The following TRPA1 variants were observed in gnomAD, a reference collection of about 807,000 sequenced individuals.
TRPA1 encodes ankyrin-like with transmembrane domains 1.
In TRPA1, 129 loss-of-function variants were observed where a neutral mutation model predicts 131.3. That is an observed-to-expected ratio of 0.98 (90% CI 0.85 to 1.14). The LOEUF is 1.14. TRPA1 is among the 50% of genes most tolerant of loss of function. TRPA1 has a pLI of 0.00. For missense variants in TRPA1, 1,304 were observed against 1,354.2 expected (o/e 0.96, Z 0.58); for synonymous variants, 441 against 451.7 (o/e 0.98, Z 0.30).
chr8:72,049,931 ATT>A (rs1214973958), intron 15 of TRPA1, among the ~76,000 whole-genome samples: 1 of 115,040 alleles, frequency 8.7e-6, no homozygotes, highest in Non-Finnish European at 1.8e-5. Flanking sequence ...GGGGCATTTT[ATT>A]TTATTTTTTT....
chr8:72,040,828 T>C (rs1477345635), intron 17 of TRPA1, among the ~76,000 whole-genome samples: 2 of 152,080 alleles, frequency 1.3e-5, no homozygotes, highest in African/African-American at 2.4e-5. Context: ...GTCTACCACA[T>C]ACTGAAAGCA....
In TRPA1 at chr8:72,056,907, T is replaced by C. The variant is rs1394081251; in HGVS notation, c.1194+10A>G. 3.8e-6 allele frequency: 6 copies of C among 1,590,042 alleles called. No individual in the cohort carries two copies. The highest frequency in any genetic ancestry group is 3.4e-6 in the Non-Finnish European group (4 of 1,162,452). The stretch of plus-strand genomic sequence containing the variant: ...AACTCAGTTAATGGCAATCCACAGA[T>C]ATACATTACCTGCATAAATTCAGGT... On this transcript the variant is annotated intron_variant, in intron 10 of 26. Transcript: ENST00000262209.
In TRPA1 at chr8:72,068,844, CA is replaced by C. The variant is rs372248052; in HGVS notation, c.444+178del. 2.5e-3 allele frequency among the ~76,000 whole-genome samples: 386 copies of C among 152,256 alleles called. 4 individuals carry two copies. Among genetic ancestry groups the C allele is most frequent in the African/African-American group, 8.4e-3 (349 of 41,558 alleles). ...GTAAATAAGAACTATTCAATAAAGT[CA>C]AAACTAATCATCATCATCATCATTA... On this transcript the variant is annotated intron_variant, in intron 3 of 26. Transcript: ENST00000262209.
At position 72,071,769 on chromosome 8, in the gene TRPA1, A is replaced by G; in HGVS notation, c.210T>C (p.Ala70=). ...TTAGCTCAATTTGGCCTTCTGCTGC[A>G]GCATAATGCAAGAAGAAGGTGTCCA... ...DDMDTFFLHY[A]AAEGQIELME... is the part of the protein sequence containing the mutation. The change falls in exon 2 of 27, where the codon GCT becomes GCC. Residue 70 remains alanine, a synonymous_variant. Coordinates refer to ENST00000262209, the MANE Select transcript of TRPA1 (RefSeq NM_007332.3). The G allele has an allele frequency of 1.2e-6, 2 of 1,613,800 alleles. No homozygotes were observed. Among genetic ancestry groups the G allele is most frequent in the Middle Eastern group, 1.7e-4 (1 of 5,958 alleles).
upstream of TRPA1, among the ~76,000 whole-genome samples, chr8:72,078,928 A>C (rs1408392817): frequency 6.6e-6 from 1 of 151,964 alleles, no homozygotes; most frequent in Non-Finnish European, 1.5e-5. Flanking sequence ...TAGTATTGTC[A>C]ATCTTTTTTT....
intron 13 of TRPA1, 29 bp downstream of exon 13, chr8:72,053,724 T>C (rs777189805): frequency 1.3e-6 from 2 of 1,527,626 alleles, no homozygotes; most frequent in Non-Finnish European, 1.8e-6. Flanking sequence ...ATTGAGATTT[T>C]GGGTAAGCAT....
At chr8:72,030,295 A>G (rs976944040) in intron 23 of TRPA1, among the ~76,000 whole-genome samples, 1 of 152,162 alleles carries the variant, frequency 6.6e-6, no homozygotes, top group African/African-American at 2.4e-5. Flanking sequence ...CTCTCCCCTC[A>G]TGGCCTAATC....
chr8:72,063,272 C>A (rs1034646182), intron 5 of TRPA1, among the ~76,000 whole-genome samples, 191 bp downstream of exon 5: 4 of 151,898 alleles, frequency 2.6e-5, no homozygotes, highest in African/African-American at 7.3e-5. Flanking sequence ...TCCTGTTACT[C>A]AGGAGGCTGA....
chr8:72,085,104 G>C, the TRPA1 span, among the ~76,000 whole-genome samples: 1 of 152,082 alleles, frequency 6.6e-6, no homozygotes, highest in South Asian at 2.1e-4. Context: ...TCAATGGCTA[G>C]GGACTTTTCA....
chr8:72,023,830 A>C lies in TRPA1; in HGVS notation c.3133T>G (p.Leu1045Val), dbSNP rs1175390367. 2.0e-5 allele frequency: 32 copies of C among 1,580,398 alleles called. No homozygotes were observed. Among genetic ancestry groups the C allele is most frequent in the African/African-American group, 2.7e-5 (2 of 74,306 alleles). The change falls in exon 26 of 27, where the codon TTA becomes GTA. Residue 1045 changes from leucine (L) to valine (V), a missense_variant. By Grantham distance (32) the Leu-to-Val change is conservative. Coordinates refer to ENST00000262209, the MANE Select transcript of TRPA1 (RefSeq NM_007332.3). Reference sequence around the variant, plus strand: ...AATACATACCGGTATTTCTGCTTTAATATTTCCATTTCTAAAGATTTATCA... The same window carrying C: ...AATACATACCGGTATTTCTGCTTTACTATTTCCATTTCTAAAGATTTATCA... ...NADKSLEMEI[L>V]KQKYRLKDLT...
At chr8:72,040,286 A>G (rs1433732017) in intron 17 of TRPA1, among the ~76,000 whole-genome samples, 1 of 152,136 alleles carries the variant, frequency 6.6e-6, no homozygotes, top group African/African-American at 2.4e-5. Context: ...ACATACATAA[A>G]TAGAGGGACT....
In TRPA1 at chr8:72,023,126, C is replaced by T. The variant is rs749453862; in HGVS notation, c.3150-10G>A. ...AGTAAGATCCTTCAGCCTAAAAGGACATACACATTTCATGAATTTATTTTC... is the reference window on the plus strand; with the variant it reads ...AGTAAGATCCTTCAGCCTAAAAGGATATACACATTTCATGAATTTATTTTC... On this transcript the variant is annotated splice_polypyrimidine_tract_variant and intron_variant, in intron 26 of 26. Transcript: ENST00000262209. 5.6e-6 allele frequency: 9 copies of T among 1,610,798 alleles called. No homozygotes were observed. Among genetic ancestry groups the T allele is most frequent in the East Asian group, 2.2e-5 (1 of 44,834 alleles).
chr8:72,030,365 C>T (rs939896815), intron 23 of TRPA1, among the ~76,000 whole-genome samples: 1 of 152,184 alleles, frequency 6.6e-6, no homozygotes, highest in African/African-American at 2.4e-5. Context: ...TCTATACATA[C>T]ATTTTGGATG....
At chr8:72,059,901 T>C (rs1330067695) in intron 7 of TRPA1, among the ~76,000 whole-genome samples, 1 of 152,184 alleles carries the variant, frequency 6.6e-6, no homozygotes, top group African/African-American at 2.4e-5. Context: ...TTTTCTGAGT[T>C]TTTATGAAGC....
At chr8:72,058,342 AT>A (rs1805724626) in intron 8 of TRPA1, among the ~76,000 whole-genome samples, 1 of 152,226 alleles carries the variant, frequency 6.6e-6, no homozygotes, top group Admixed American at 6.5e-5. Flanking sequence ...GAAAATTTAT[AT>A]TTAAAAATCA....
rs781651392 is a variant in TRPA1, at chr8:72,038,902, T to C, written c.2258A>G (p.Asn753Ser). ...GMAFNSTGII[N>S]ETSDHSEILD... ...TATTTCTGAATGATCACTAGTTTCA[T>C]TGATGATGCCAGTTGAGTTGAAAGC... The change falls in exon 19 of 27, where the codon AAT (asparagine) becomes AGT (serine). Residue 753 changes from asparagine (N) to serine (S), a missense_variant. Transcript: ENST00000262209. 1.1e-5 allele frequency: 17 copies of C among 1,612,786 alleles called. No individual in the cohort carries two copies. Among genetic ancestry groups the C allele is most frequent in the South Asian group, 4.4e-5 (4 of 90,984 alleles).
At chr8:72,053,509 G>C (rs1005454756) in intron 13 of TRPA1, 2 of 522,390 alleles carry the variant, frequency 3.8e-6, no homozygotes, top group African/African-American at 1.9e-5. Flanking sequence ...AATTTCATTG[G>C]CCTGTGGACC....
chr8:72,054,130 C>A, intron 12 of TRPA1: 1 of 466,064 alleles, frequency 2.1e-6, no homozygotes, highest in South Asian at 2.2e-5. Context: ...TTACCAAACA[C>A]TTTGGGGTAG....
intron 21 of TRPA1, among the ~76,000 whole-genome samples, chr8:72,035,930 G>C (rs996680996): frequency 2.1e-5 from 3 of 143,810 alleles, no homozygotes; most frequent in African/African-American, 7.8e-5. Context: ...GGATGCTACT[G>C]GTATCTAGTG....
Sources: gnomAD v4.1 joint callset for allele counts (sites outside exome capture counted in the v4.1 genomes callset) on GRCh38, gnomAD v4.1.1 for gene constraint, MANE v1.5 for transcripts, NCBI Gene and HGNC (gene_info 2026-07-23, HGNC 2026-07-21) for gene names.